The following TENM3 variants were observed in gnomAD, a reference collection of about 807,000 sequenced individuals.
TENM3 encodes the protein teneurin transmembrane protein 3.
A neutral mutation model predicts 255.1 loss-of-function variants in TENM3; 63 were observed. The observed-to-expected ratio is 0.25, with a 90% CI of 0.20 to 0.30. The LOEUF (loss-of-function observed/expected upper bound fraction) is 0.30. TENM3 is among the 10% of genes least tolerant of loss of function. TENM3 has a pLI of 1.00. For synonymous variants in TENM3, 1,306 were observed against 1,322.3 expected (o/e 0.99, Z 0.27); for missense variants, 2,929 against 3,461.1 (o/e 0.85, Z 3.86).
At chr4:182,772,104 A>G (rs1764282933) in intron 22 of TENM3, among the ~76,000 whole-genome samples, 1 of 151,860 alleles carries the variant, frequency 6.6e-6, no homozygotes, top group Non-Finnish European at 1.5e-5. Context: ...CTACTGTAAC[A>G]TTGTCCTGGC....
the TENM3 span, among the ~76,000 whole-genome samples, chr4:181,944,960 G>GA: frequency 6.6e-6 from 1 of 152,068 alleles, no homozygotes; most frequent in Non-Finnish European, 1.5e-5. Flanking sequence ...TCAGGTGACT[G>GA]AAACATGCTT....
chr4:182,088,123 T>G, the TENM3 span, among the ~76,000 whole-genome samples: 9 of 152,246 alleles, frequency 5.9e-5, no homozygotes, highest in African/African-American at 1.9e-4. Flanking sequence ...CACACGTTTC[T>G]AAAAATAATT....
chr4:182,172,466 C>T (rs1441134145), intron 1 of TENM3, among the ~76,000 whole-genome samples: 1 of 152,140 alleles, frequency 6.6e-6, no homozygotes, highest in Non-Finnish European at 1.5e-5. Context: ...GTTTAGTACT[C>T]AACCTTAGAA....
chr4:182,751,924 A>G lies in TENM3; in HGVS notation c.3754A>G (p.Lys1252Glu), dbSNP rs763256316. 13 of 1,613,936 alleles carry G rather than the reference A, an allele frequency of 8.1e-6. No individual in the cohort carries two copies. In the South Asian group the frequency reaches 9.9e-5, roughly 12 times the overall value. Residue 1252 changes from lysine (K) to glutamate (E), a missense_variant, in exon 20 of 28, where the codon AAA becomes GAA. Coordinates refer to ENST00000511685, the MANE Select transcript of TENM3 (RefSeq NM_001080477.4). Reference sequence around the variant, plus strand: ...ACTTACGGGGGCAAAAGACTTGACTAAAAATGCAGAAGTCGTCGCAGGGAC... The same window carrying G: ...ACTTACGGGGGCAAAAGACTTGACTGAAAATGCAGAAGTCGTCGCAGGGAC... Reference protein sequence around the residue: ...KSLTGAKDLTKNAEVVAGTGE... With the variant: ...KSLTGAKDLTENAEVVAGTGE...
At chr4:182,425,607 T>C (rs1771144699) in intron 3 of TENM3, among the ~76,000 whole-genome samples, 1 of 152,210 alleles carries the variant, frequency 6.6e-6, no homozygotes, top group Admixed American at 6.5e-5. Context: ...ATCAGATTGA[T>C]CCCTGGTTAC....
At chr4:181,581,422 CAG>C in the TENM3 span, among the ~76,000 whole-genome samples, 3 of 152,036 alleles carry the variant, frequency 2.0e-5, no homozygotes, top group Non-Finnish European at 4.4e-5. Flanking sequence ...GCCTGGGCGA[CAG>C]AGAGAGACTC....
intron 19 of TENM3, among the ~76,000 whole-genome samples, chr4:182,749,567 T>C (rs34076257): frequency 0.2 from 30,104 of 152,108 alleles, 3,784 homozygotes; most frequent in East Asian, 0.55. Flanking sequence ...GGATCTTACA[T>C]ATATAGTTCG....
At chr4:181,767,204 A>AGGT in the TENM3 span, among the ~76,000 whole-genome samples, 3 of 145,204 alleles carry the variant, frequency 2.1e-5, no homozygotes, top group Non-Finnish European at 4.5e-5. Flanking sequence ...GTGAGCCGAG[A>AGGT]AGGTGCCACT....
At chr4:182,445,344 G>T (rs1772832050) in intron 3 of TENM3, among the ~76,000 whole-genome samples, 1 of 152,174 alleles carries the variant, frequency 6.6e-6, no homozygotes, top group African/African-American at 2.4e-5. Context: ...TCAAATGCCA[G>T]TCATAAAATG....
chr4:182,407,016 T>A (rs1045983907), intron 3 of TENM3, among the ~76,000 whole-genome samples: 7 of 152,208 alleles, frequency 4.6e-5, no homozygotes, highest in African/African-American at 1.4e-4. Flanking sequence ...TCATTCCCTA[T>A]GAACCGATTA....
At chr4:181,541,078 G>A in the TENM3 span, among the ~76,000 whole-genome samples, 6,709 of 152,228 alleles carry the variant, frequency 0.044, 226 homozygotes, top group South Asian at 0.15. Context: ...TAAAGTATAT[G>A]CATTGAAAGT....
the TENM3 span, among the ~76,000 whole-genome samples, chr4:181,694,822 T>C: frequency 6.6e-6 from 1 of 152,240 alleles, no homozygotes; most frequent in Non-Finnish European, 1.5e-5. Context: ...AACATGTTTA[T>C]CACTGGCTGT....
chr4:182,773,698 A>G (rs1377682135), intron 23 of TENM3, 51 bp downstream of exon 23: 1 of 1,528,850 alleles, frequency 6.5e-7, no homozygotes, highest in South Asian at 1.2e-5. Context: ...CCCAGACAGA[A>G]TGCGGCAACA....
chr4:182,063,883 T>G, the TENM3 span, among the ~76,000 whole-genome samples: 1 of 152,130 alleles, frequency 6.6e-6, no homozygotes. Flanking sequence ...TTAGGAATAT[T>G]AGTCACAGAA....
chr4:181,602,202 T>C, the TENM3 span, among the ~76,000 whole-genome samples: 4 of 152,190 alleles, frequency 2.6e-5, no homozygotes, highest in Non-Finnish European at 5.9e-5. Flanking sequence ...CTCAACTTTA[T>C]GAGATAAAGT....
the TENM3 span, among the ~76,000 whole-genome samples, chr4:181,656,510 C>G: frequency 1.3e-5 from 2 of 152,120 alleles, no homozygotes; most frequent in Admixed American, 1.3e-4. Context: ...GACTGACATT[C>G]AGAACACAGG....
intron 3 of TENM3, among the ~76,000 whole-genome samples, chr4:182,489,448 GTAAAT>G (rs981959495): frequency 3.9e-5 from 6 of 152,108 alleles, no homozygotes; most frequent in African/African-American, 1.4e-4. Flanking sequence ...TATTTTAGTA[GTAAAT>G]TAAATATTCA....
chr4:182,746,619 G>C (rs1429637603), intron 19 of TENM3, among the ~76,000 whole-genome samples: 2 of 152,296 alleles, frequency 1.3e-5, no homozygotes, highest in African/African-American at 4.8e-5. Context: ...TCCTGAACAA[G>C]TGGCACACTC....
At chr4:181,832,307 TA>T in the TENM3 span, among the ~76,000 whole-genome samples, 1 of 152,190 alleles carries the variant, frequency 6.6e-6, no homozygotes, top group Admixed American at 6.5e-5. Flanking sequence ...CCAATTTTTT[TA>T]AAAGCAAATC....
Sources: gnomAD v4.1 joint callset for allele counts (sites outside exome capture counted in the v4.1 genomes callset) on GRCh38, gnomAD v4.1.1 for gene constraint, MANE v1.5 for transcripts, NCBI Gene and HGNC (gene_info 2026-07-23, HGNC 2026-07-21) for gene names.